The following SPRY3 variants were observed in gnomAD, a reference collection of about 807,000 sequenced individuals.
SPRY3 encodes the protein sprouty RTK signaling antagonist 3.
Under a neutral mutation model 20.2 loss-of-function variants are expected in SPRY3, and 15 were observed. That is an observed-to-expected ratio of 0.74 (90% CI 0.50 to 1.14). SPRY3 has a LOEUF of 1.14. Among genes scored for constraint, SPRY3 ranks in the 50% most tolerant of loss-of-function variants. The pLI is 0.00. For synonymous variants in SPRY3, 143 were observed against 136.5 expected (o/e 1.05, Z -0.33); for missense variants, 364 against 363.9 (o/e 1.00, Z 0.00).
chrX:155,778,773 A>T (rs1490539759), downstream of SPRY3: 1 of 167,062 alleles, frequency 6.0e-6, no homozygotes, highest in Non-Finnish European at 1.5e-5. Flanking sequence ...TAGCTGGAGA[A>T]AGGGATGCAC....
chrX:155,715,985 C>G (rs750996099), intron 2 of SPRY3, among the ~76,000 whole-genome samples: 1 of 152,136 alleles, frequency 6.6e-6, no homozygotes, highest in Non-Finnish European at 1.5e-5. Context: ...CTCTCTTGCC[C>G]TCCTCAATGC....
At chrX:155,762,832 CCACCA>C (rs2091309835) in intron 2 of SPRY3, among the ~76,000 whole-genome samples, 1 of 152,070 alleles carries the variant, frequency 6.6e-6, no homozygotes. Context: ...TAAAACAGAA[CCACCA>C]TTCAACCCAG....
In SPRY3 at chrX:155,726,239, T is replaced by C. The variant is rs139662436; in HGVS notation, c.-281-41723T>C. Among the ~76,000 whole-genome samples, 874 of 152,210 alleles carry C rather than the reference T, an allele frequency of 5.7e-3. 8 individuals are homozygous for C. The highest frequency in any genetic ancestry group is 0.02 in the African/African-American group (843 of 41,548). On this transcript the variant is annotated intron_variant, in intron 2 of 3. Coordinates refer to ENST00000675360, the Ensembl canonical transcript of SPRY3. ...TTGCTGAGGAGTGCTTTACTACCGA[T>C]TATGTTGTCAATTTTAGAATAACTG...
intron 2 of SPRY3, among the ~76,000 whole-genome samples, chrX:155,754,114 C>T (rs2091274722): frequency 6.6e-6 from 1 of 151,918 alleles, no homozygotes; most frequent in African/African-American, 2.4e-5. Flanking sequence ...TTATCTATTT[C>T]TTCTTTTGTC....
intron 2 of SPRY3, among the ~76,000 whole-genome samples, chrX:155,722,934 C>T (rs1251686082): frequency 6.8e-6 from 1 of 147,236 alleles, no homozygotes; most frequent in South Asian, 2.2e-4. Flanking sequence ...CTTCCCCCAG[C>T]CCCCCACCCC....
intron 2 of SPRY3, among the ~76,000 whole-genome samples, chrX:155,697,146 G>C (rs1416066252): frequency 2.7e-5 from 3 of 111,403 alleles, no homozygotes; most frequent in Non-Finnish European, 5.7e-5. Flanking sequence ...TTGTGTCTGT[G>C]AGGGTGTTTC....
chrX:155,644,007 G>A (rs1364714566), intron 1 of SPRY3, among the ~76,000 whole-genome samples: 1 of 110,979 alleles, frequency 9.0e-6, no homozygotes, highest in Admixed American at 9.6e-5. Flanking sequence ...GTTCACTAAC[G>A]TCCTTTTCTT....
chrX:155,770,194 C>T (rs941103189), intron 3 of SPRY3, among the ~76,000 whole-genome samples: 9 of 152,148 alleles, frequency 5.9e-5, no homozygotes, highest in African/African-American at 1.7e-4. Flanking sequence ...TTGAAATCAA[C>T]GTTGAGTCAT....
chrX:155,751,941 A>AAT (rs1405131562), intron 2 of SPRY3, among the ~76,000 whole-genome samples: 4 of 58,920 alleles, frequency 6.8e-5, no homozygotes, highest in Non-Finnish European at 1.2e-4. Context: ...AATAAAATAA[A>AAT]ATAAAATAAA....
At chrX:155,700,432 G>C (rs912844631) in intron 2 of SPRY3, among the ~76,000 whole-genome samples, 1 of 108,759 alleles carries the variant, frequency 9.2e-6, no homozygotes, top group Non-Finnish European at 1.9e-5. Context: ...ACCTGGGTAT[G>C]TACTCAAAAT....
intron 2 of SPRY3, among the ~76,000 whole-genome samples, chrX:155,766,640 T>A (rs968327968): frequency 6.6e-6 from 1 of 152,180 alleles, no homozygotes; most frequent in Non-Finnish European, 1.5e-5. Context: ...TCTGTCTGGA[T>A]GCCCAGAAGA....
chrX:155,728,287 G>T (rs1481688206), intron 2 of SPRY3, among the ~76,000 whole-genome samples: 1 of 152,176 alleles, frequency 6.6e-6, no homozygotes, highest in East Asian at 1.9e-4. Flanking sequence ...CCCACTTGAG[G>T]AGGCGGTCTG....
In SPRY3 at chrX:155,687,718, C is replaced by T. The variant is rs761783522; in HGVS notation, c.-282+30693C>T. The stretch of plus-strand genomic sequence containing the variant: ...AACATCTGTTTGTCTATTACTTGAA[C>T]GAGATTACTGGCATTATCTCTGATC... On this transcript the variant is annotated intron_variant, in intron 2 of 3. Coordinates refer to ENST00000675360, the Ensembl canonical transcript of SPRY3. Among the ~76,000 whole-genome samples the T allele has an allele frequency of 7.1e-5, 8 of 112,243 alleles. No homozygotes were observed. In the South Asian group the frequency reaches 1.5e-3, roughly 21 times the overall value.
At chrX:155,635,232 C>A (rs1453955376) in intron 1 of SPRY3, among the ~76,000 whole-genome samples, 1 of 111,412 alleles carries the variant, frequency 9.0e-6, no homozygotes, top group Non-Finnish European at 1.9e-5. Flanking sequence ...TTTTTTATGG[C>A]TGCATAGTAT....
At chrX:155,698,091 A>G (rs1426330974) in intron 2 of SPRY3, among the ~76,000 whole-genome samples, 1 of 111,063 alleles carries the variant, frequency 9.0e-6, no homozygotes, top group East Asian at 2.8e-4. Flanking sequence ...TTGTCACTTC[A>G]TGGCTACAAA....
intron 2 of SPRY3, among the ~76,000 whole-genome samples, chrX:155,738,373 A>G (rs1471214666): frequency 2.0e-5 from 3 of 152,146 alleles, no homozygotes; most frequent in Non-Finnish European, 4.4e-5. Flanking sequence ...CAATCCAATT[A>G]GAAAGTGGTC....
At chrX:155,692,932 T>G (rs2033204741) in intron 2 of SPRY3, among the ~76,000 whole-genome samples, 1 of 111,312 alleles carries the variant, frequency 9.0e-6, no homozygotes, top group African/African-American at 3.2e-5. Flanking sequence ...TCTTGATCTA[T>G]CTGGATGTTT....
In SPRY3 at chrX:155,677,702, C is replaced by G. The variant is rs2068062123; in HGVS notation, c.-282+20677C>G. Among the ~76,000 whole-genome samples, 3 of 111,667 alleles carry G rather than the reference C, an allele frequency of 2.7e-5. No homozygotes were observed. In the Admixed American group the frequency reaches 2.9e-4, roughly 11 times the overall value. Reference sequence around the variant, plus strand: ...AATTGGTCCCAAACTCAGGCAAAGACAGAGTGAATTATATTGTGCCATCCT... The same window carrying G: ...AATTGGTCCCAAACTCAGGCAAAGAGAGAGTGAATTATATTGTGCCATCCT... On this transcript the variant is annotated intron_variant, in intron 2 of 3. Coordinates refer to ENST00000675360, the Ensembl canonical transcript of SPRY3.
chrX:155,764,094 G>A (rs1238774973), intron 2 of SPRY3, among the ~76,000 whole-genome samples: 1 of 151,908 alleles, frequency 6.6e-6, no homozygotes, highest in East Asian at 1.9e-4. Context: ...GTGTTGATCT[G>A]TGCTGAGACA....
Sources: allele counts gnomAD v4.1 joint callset (sites outside exome capture counted in the v4.1 genomes callset), GRCh38; gene constraint gnomAD v4.1.1; transcripts MANE v1.5; gene names NCBI Gene and HGNC (gene_info 2026-07-23, HGNC 2026-07-21).